The following BNC2 variants were observed in gnomAD, a reference collection of about 807,000 sequenced individuals.
The protein encoded by BNC2 is basonuclin zinc finger protein 2.
In BNC2, 20 loss-of-function variants were observed where a neutral mutation model predicts 76.3. That is an observed-to-expected ratio of 0.26 (90% confidence interval 0.18 to 0.38). BNC2 has a LOEUF of 0.38. BNC2 is among the 10% of genes least tolerant of loss of function. The pLI is 1.00. For synonymous variants in BNC2, 582 were observed against 514.8 expected, an observed-to-expected ratio of 1.13 and a Z score of -1.77; for missense variants, 1,382 against 1,399.8, an observed-to-expected ratio of 0.99 and a Z score of 0.20.
intron 6 of BNC2, chr9:16,434,943 T>C: frequency 2.1e-6 from 1 of 470,228 alleles, no homozygotes; most frequent in South Asian, 1.5e-5. Context: ...ATTACATCTA[T>C]CCCATTTCCT....
At chr9:16,827,763 G>A (rs539789019) in intron 1 of BNC2, among the ~76,000 whole-genome samples, 5 of 152,082 alleles carry the variant, frequency 3.3e-5, no homozygotes, top group African/African-American at 1.2e-4. Flanking sequence ...ATGTATAGCT[G>A]GCTACATTTT....
At chr9:16,626,764 C>T (rs1221031598) in intron 3 of BNC2, among the ~76,000 whole-genome samples, 1 of 152,036 alleles carries the variant, frequency 6.6e-6, no homozygotes, top group African/African-American at 2.4e-5. Flanking sequence ...TGTCAACGGT[C>T]CCCTCTGGAA....
At chr9:16,577,588 C>G (rs1359635314) in intron 4 of BNC2, among the ~76,000 whole-genome samples, 1 of 151,910 alleles carries the variant, frequency 6.6e-6, no homozygotes, top group East Asian at 1.9e-4. Flanking sequence ...GGTCTGCTTA[C>G]TTTACATTAA....
At chr9:16,833,732 G>A (rs1818636795) in intron 1 of BNC2, among the ~76,000 whole-genome samples, 1 of 152,068 alleles carries the variant, frequency 6.6e-6, no homozygotes, top group Admixed American at 6.5e-5. Context: ...GGGAATGACG[G>A]GTGGCTAAGC....
chr9:16,616,962 T>C (rs1398804484), intron 3 of BNC2, among the ~76,000 whole-genome samples: 1 of 152,262 alleles, frequency 6.6e-6, no homozygotes, highest in East Asian at 1.9e-4. Context: ...ATTACATCTT[T>C]GAGGAATCTT....
intron 3 of BNC2, among the ~76,000 whole-genome samples, chr9:16,665,466 G>GAAAGAAAT (rs1228344750): frequency 9.1e-5 from 13 of 142,842 alleles, no homozygotes; most frequent in African/African-American, 3.1e-4. Context: ...AAGAAAGAAA[G>GAAAGAAAT]AAAGAAAGAA....
intron 6 of BNC2, chr9:16,434,817 G>A (rs1296088567): frequency 2.2e-6 from 1 of 456,228 alleles, no homozygotes; most frequent in Admixed American, 2.3e-5. Context: ...GTATATGCAT[G>A]CCTCCCCTTC....
intron 6 of BNC2, among the ~76,000 whole-genome samples, chr9:16,430,355 C>G (rs992661994): frequency 1.3e-5 from 2 of 152,082 alleles, no homozygotes; most frequent in African/African-American, 4.8e-5. Context: ...AGGGGATTAC[C>G]ACATCGTATT....
chr9:16,720,303 T>G (rs1471953050), intron 3 of BNC2, among the ~76,000 whole-genome samples: 1 of 151,950 alleles, frequency 6.6e-6, no homozygotes, highest in Non-Finnish European at 1.5e-5. Context: ...AAAGGGCCAG[T>G]GAAAGTAAGG....
chr9:16,628,846 A>G (rs1306353200), intron 3 of BNC2, among the ~76,000 whole-genome samples: 1 of 152,242 alleles, frequency 6.6e-6, no homozygotes, highest in Non-Finnish European at 1.5e-5. Context: ...TTAAAGGGAA[A>G]GAAAGTCCAA....
intron 5 of BNC2, among the ~76,000 whole-genome samples, chr9:16,548,984 C>T (rs934588255): frequency 4.6e-5 from 7 of 152,204 alleles, no homozygotes; most frequent in Non-Finnish European, 1.0e-4. Context: ...TGAAAATTAA[C>T]TTTATAAAAA....
intron 1 of BNC2, among the ~76,000 whole-genome samples, chr9:16,765,546 C>G (rs1347668888): frequency 6.6e-6 from 1 of 152,038 alleles, no homozygotes; most frequent in African/African-American, 2.4e-5. Flanking sequence ...TTTAGAAAAG[C>G]TGAAATATGT....
chr9:16,733,852 C>T (rs1392415030), intron 2 of BNC2, among the ~76,000 whole-genome samples: 1 of 151,786 alleles, frequency 6.6e-6, no homozygotes, highest in Admixed American at 6.6e-5. Flanking sequence ...CCACTGCACT[C>T]CAGCCTGGGC....
chr9:16,866,258 A>G (rs1163537228), intron 1 of BNC2, among the ~76,000 whole-genome samples: 2 of 152,162 alleles, frequency 1.3e-5, no homozygotes, highest in African/African-American at 2.4e-5. Context: ...TTGATCCATA[A>G]TAAGTCAGGT....
intron 5 of BNC2, among the ~76,000 whole-genome samples, chr9:16,480,286 G>A (rs1025163625): frequency 1.3e-5 from 2 of 152,198 alleles, no homozygotes; most frequent in Non-Finnish European, 2.9e-5. Context: ...ACAACCCTCT[G>A]CCTGATGAAA....
intron 5 of BNC2, among the ~76,000 whole-genome samples, chr9:16,491,856 G>A (rs921003754): frequency 6.6e-5 from 10 of 152,062 alleles, no homozygotes; most frequent in Non-Finnish European, 1.5e-4. Context: ...AATCAAAATC[G>A]TTTTTCTTCT....
At chr9:16,830,763 C>T (rs1314361213) in intron 1 of BNC2, among the ~76,000 whole-genome samples, 1 of 152,154 alleles carries the variant, frequency 6.6e-6, no homozygotes, top group African/African-American at 2.4e-5. Context: ...AAAAGAAAAA[C>T]ATGAAAAATT....
At chr9:16,739,904 G>T (rs1276515015) in intron 1 of BNC2, among the ~76,000 whole-genome samples, 1 of 152,202 alleles carries the variant, frequency 6.6e-6, no homozygotes, top group African/African-American at 2.4e-5. Flanking sequence ...AGCAAGTTTA[G>T]TATGGGGGGA....
chr9:16,780,235 C>CA (rs372583425), intron 1 of BNC2, among the ~76,000 whole-genome samples: 1,123 of 66,254 alleles, frequency 0.017, 59 homozygotes, highest in African/African-American at 0.037. Flanking sequence ...GACTTCGTTT[C>CA]AAAAAAAAAA....
Sources: allele counts gnomAD v4.1 joint callset (sites outside exome capture counted in the v4.1 genomes callset), GRCh38; gene constraint gnomAD v4.1.1; transcripts MANE v1.5; gene names NCBI Gene and HGNC (gene_info 2026-07-23, HGNC 2026-07-21).